UBE2R2: variants seen among roughly 807,000 people sequenced by gnomAD.
UBE2R2 encodes ubiquitin-conjugating enzyme E2 R2.
Under a neutral mutation model 27.8 loss-of-function variants are expected in UBE2R2, and 1 was observed. That is an observed-to-expected ratio of 0.04 (90% CI 0.01 to 0.17). The LOEUF is 0.17. Ranked by LOEUF, UBE2R2 falls within the 10% of genes least tolerant of loss-of-function variation. The pLI is 1.00. For missense variants in UBE2R2, 100 were observed against 291.0 expected (o/e 0.34, Z 4.78); for synonymous variants, 106 against 113.3 (o/e 0.94, Z 0.41).
intron 1 of UBE2R2, among the ~76,000 whole-genome samples, chr9:33,856,871 TTC>T (rs1821115260): frequency 2.1e-5 from 3 of 142,610 alleles, no homozygotes; most frequent in Admixed American, 1.4e-4. Flanking sequence ...CTGTCCGTCC[TTC>T]CTTCCTTCCT....
chr9:33,828,501 T>C (rs1381676867), intron 1 of UBE2R2, among the ~76,000 whole-genome samples: 2 of 151,600 alleles, frequency 1.3e-5, no homozygotes, highest in African/African-American at 4.8e-5. Flanking sequence ...TCAGTTCTGC[T>C]GCCTTAGCCT....
At chr9:33,858,602 A>G (rs538382639) in intron 1 of UBE2R2, among the ~76,000 whole-genome samples, 16 of 152,044 alleles carry the variant, frequency 1.1e-4, no homozygotes, top group African/African-American at 3.9e-4. Flanking sequence ...GGGTTTTGCC[A>G]TGTTGCCCAG....
At chr9:33,846,576 C>A (rs1820851790) in intron 1 of UBE2R2, among the ~76,000 whole-genome samples, 1 of 152,060 alleles carries the variant, frequency 6.6e-6, no homozygotes, top group South Asian at 2.1e-4. Flanking sequence ...TATCCCAGTA[C>A]AGCATTATGT....
At chr9:33,830,158 A>AT (rs34007720) in intron 1 of UBE2R2, among the ~76,000 whole-genome samples, 75,245 of 135,400 alleles carry the variant, frequency 0.56, 20,950 homozygotes, top group East Asian at 0.73. Flanking sequence ...AAGTTTCATA[A>AT]TTTTTTTTTT....
intron 1 of UBE2R2, among the ~76,000 whole-genome samples, chr9:33,865,825 GTTTTTTTTTGTTTT>G (rs900799662): frequency 9.6e-4 from 138 of 143,204 alleles, no homozygotes; most frequent in African/African-American, 3.4e-3. Context: ...TTTTTTGTGT[GTTTTTTTTTGTTTT>G]TTTTTTTTTG....
intron 3 of UBE2R2, among the ~76,000 whole-genome samples, chr9:33,910,875 G>A (rs1478936424): frequency 6.6e-6 from 1 of 152,198 alleles, no homozygotes; most frequent in Non-Finnish European, 1.5e-5. Context: ...GGCCAAGGCG[G>A]GCAGTTCACT....
At chr9:33,829,872 C>T (rs529806746) in intron 1 of UBE2R2, among the ~76,000 whole-genome samples, 4 of 150,582 alleles carry the variant, frequency 2.7e-5, no homozygotes, top group African/African-American at 7.3e-5. Flanking sequence ...CTCGGCTCAC[C>T]GCAACCTCCG....
chr9:33,906,399 C>T (rs1400856789), intron 3 of UBE2R2, among the ~76,000 whole-genome samples: 3 of 152,080 alleles, frequency 2.0e-5, no homozygotes, highest in African/African-American at 4.8e-5. Context: ...TGGGATTATA[C>T]TTGTGAGCCA....
At position 33,918,092 on chromosome 9, in the gene UBE2R2, T is replaced by TAA. The variant is rs1303650078; in HGVS notation, c.*859_*860dup. On this transcript the variant is annotated 3_prime_UTR_variant, in exon 5 of 5. Coordinates refer to ENST00000263228, the MANE Select transcript of UBE2R2 (RefSeq NM_017811.4). ...ATGAGTGCGTGTGGGAGCAAAGAGT[T>TAA]AAAAATCACTATGCTAAGTTTGGTT... The TAA allele has an allele frequency of 6.5e-6, 1 of 153,418 alleles. No homozygotes were observed. Among genetic ancestry groups the TAA allele is most frequent in the Non-Finnish European group, 1.5e-5 (1 of 68,020 alleles). 9.5% of individuals were successfully genotyped at this position (153,418 alleles called of 1,614,324 possible).
At chr9:33,826,085 G>A (rs1036037088) in intron 1 of UBE2R2, among the ~76,000 whole-genome samples, 1 of 151,486 alleles carries the variant, frequency 6.6e-6, no homozygotes, top group South Asian at 2.1e-4. Context: ...GCAGGTTTGC[G>A]GTGAGCCAAA....
intron 1 of UBE2R2, among the ~76,000 whole-genome samples, chr9:33,835,322 T>G (rs1169322978): frequency 1.3e-5 from 2 of 151,934 alleles, no homozygotes; most frequent in Non-Finnish European, 2.9e-5. Context: ...AATTTTTGTA[T>G]TTTTAGTAGA....
intron 1 of UBE2R2, among the ~76,000 whole-genome samples, chr9:33,844,963 T>G (rs1002413862): frequency 6.6e-6 from 1 of 151,910 alleles, no homozygotes; most frequent in African/African-American, 2.4e-5. Context: ...GAGACGGGGT[T>G]TCACCATGTT....
intron 1 of UBE2R2, among the ~76,000 whole-genome samples, chr9:33,821,484 C>T (rs895967877): frequency 6.6e-6 from 1 of 152,060 alleles, no homozygotes; most frequent in African/African-American, 2.4e-5. Flanking sequence ...ATAACTCCTG[C>T]TAAGGATTGT....
At chr9:33,819,108 A>G (rs907670119) in intron 1 of UBE2R2, among the ~76,000 whole-genome samples, 6 of 152,132 alleles carry the variant, frequency 3.9e-5, no homozygotes, top group African/African-American at 1.4e-4. Flanking sequence ...GAATCCATTT[A>G]GTTTTATTTT....
intron 1 of UBE2R2, among the ~76,000 whole-genome samples, chr9:33,851,746 T>G (rs1369355384): frequency 6.6e-6 from 1 of 152,190 alleles, no homozygotes; most frequent in Non-Finnish European, 1.5e-5. Flanking sequence ...TACATAAACA[T>G]CCTATTGCTA....
chr9:33,865,632 C>T (rs998146242), intron 1 of UBE2R2, among the ~76,000 whole-genome samples: 1 of 152,170 alleles, frequency 6.6e-6, no homozygotes, highest in African/African-American at 2.4e-5. Context: ...ATTAGCTCTC[C>T]ATATTTCCAG....
chr9:33,841,169 G>A (rs899588958), intron 1 of UBE2R2, among the ~76,000 whole-genome samples: 1 of 151,852 alleles, frequency 6.6e-6, no homozygotes, highest in Non-Finnish European at 1.5e-5. Context: ...TGCAACCTCT[G>A]CCTCCCGGGT....
chr9:33,905,051 A>G (rs751497916), intron 3 of UBE2R2, among the ~76,000 whole-genome samples: 36 of 152,162 alleles, frequency 2.4e-4, no homozygotes, highest in Non-Finnish European at 1.3e-4. Context: ...AGACTTTGCT[A>G]TAGAGTTCAC....
intron 1 of UBE2R2, among the ~76,000 whole-genome samples, chr9:33,864,875 C>G (rs961278929): frequency 2.0e-5 from 3 of 152,086 alleles, no homozygotes; most frequent in Non-Finnish European, 2.9e-5. Flanking sequence ...CAGGCGTGTG[C>G]CACCACACCC....
Sources: gnomAD v4.1 joint callset for allele counts (sites outside exome capture counted in the v4.1 genomes callset) on GRCh38, gnomAD v4.1.1 for gene constraint, MANE v1.5 for transcripts, NCBI Gene and HGNC (gene_info 2026-07-23, HGNC 2026-07-21) for gene names.